Variants in ALPL observed in about 807,000 individuals in gnomAD.
The protein encoded by ALPL is alkaline phosphatase, tissue-nonspecific isozyme.
A neutral mutation model predicts 51.3 loss-of-function variants in ALPL; 42 were observed. The ratio of observed to expected loss-of-function variants is 0.82; its 90% CI spans 0.64 to 1.06. ALPL has a LOEUF of 1.06. ALPL is among the 50% of genes least tolerant of loss of function. ALPL has a pLI of 0.00. For missense variants in ALPL, 589 were observed against 709.4 expected (o/e 0.83, Z 1.93); for synonymous variants, 279 against 296.4 (o/e 0.94, Z 0.60).
At chr1:21,556,744 G>A (rs1298857238) in intron 2 of ALPL, among the ~76,000 whole-genome samples, 3 of 152,138 alleles carry the variant, frequency 2.0e-5, no homozygotes, top group Non-Finnish European at 4.4e-5. Context: ...TTTGAGACCA[G>A]CCTATCCAAC....
intron 1 of ALPL, among the ~76,000 whole-genome samples, chr1:21,540,657 G>T (rs1400745287): frequency 6.6e-6 from 1 of 152,120 alleles, no homozygotes; most frequent in Non-Finnish European, 1.5e-5. Context: ...CCGCCTGCTC[G>T]TGCCTTTCTC....
intron 1 of ALPL, among the ~76,000 whole-genome samples, chr1:21,550,415 G>C (rs2148127052): frequency 6.6e-6 from 1 of 152,192 alleles, no homozygotes. Flanking sequence ...GAGATGATAG[G>C]TCCTTTTCTG....
intron 4 of ALPL, 80 bp downstream of exon 4, chr1:21,561,292 G>A: frequency 2.3e-6 from 3 of 1,306,950 alleles, no homozygotes; most frequent in Non-Finnish European, 3.2e-6. Context: ...AGCAGCCAGA[G>A]GTCCCCTGAC....
chr1:21,562,440 A>G (rs1644497231), intron 4 of ALPL, among the ~76,000 whole-genome samples: 1 of 152,168 alleles, frequency 6.6e-6, no homozygotes, highest in African/African-American at 2.4e-5. Flanking sequence ...TGGTGGTGAT[A>G]GTGGTGTTAT....
chr1:21,563,622 C>T (rs940476908), intron 5 of ALPL, among the ~76,000 whole-genome samples: 5 of 152,176 alleles, frequency 3.3e-5, no homozygotes, highest in Admixed American at 1.3e-4. Flanking sequence ...TCCATGGCCA[C>T]GCCCCTTCCC....
intron 1 of ALPL, among the ~76,000 whole-genome samples, chr1:21,527,339 T>C (rs979519714): frequency 6.6e-6 from 1 of 151,910 alleles, no homozygotes; most frequent in Non-Finnish European, 1.5e-5. Context: ...GCCCTTCTTG[T>C]TCTTTTCTTT....
Position 21,568,255 on chromosome 1 carries a change from G to A in ALPL, c.792+8G>A, listed in dbSNP as rs1012938813. Reference sequence around the variant, plus strand: ...TTCAAACCGAGATACAAGGTAGCCTGTGCTGGGGCCATGTGGCTGCAGAGG... The same window carrying A: ...TTCAAACCGAGATACAAGGTAGCCTATGCTGGGGCCATGTGGCTGCAGAGG... On this transcript the variant is annotated splice_region_variant and intron_variant, in intron 7 of 11. Transcript: ENST00000374840. 6 of 1,614,068 alleles carry A rather than the reference G, an allele frequency of 3.7e-6. No individual in the cohort carries two copies. The highest frequency in any genetic ancestry group is 5.1e-6 in the Non-Finnish European group (6 of 1,179,986).
At chr1:21,558,385 G>A (rs1341995765) in intron 2 of ALPL, among the ~76,000 whole-genome samples, 1 of 152,182 alleles carries the variant, frequency 6.6e-6, no homozygotes, top group Non-Finnish European at 1.5e-5. Flanking sequence ...ACTGGCCAAA[G>A]AGGCTCTATG....
At chr1:21,556,681 G>A (rs778849233) in intron 2 of ALPL, among the ~76,000 whole-genome samples, 10 of 152,168 alleles carry the variant, frequency 6.6e-5, no homozygotes, top group Non-Finnish European at 1.3e-4. Context: ...GCTCACGCCT[G>A]TAATCCCAGC....
chr1:21,521,887 A>G (rs1643886590), intron 1 of ALPL, among the ~76,000 whole-genome samples: 1 of 152,168 alleles, frequency 6.6e-6, no homozygotes. Context: ...TGCATGTACC[A>G]TGCTTCCTGG....
At chr1:21,554,202 G>A in intron 2 of ALPL, 60 bp downstream of exon 2, 1 of 1,522,592 alleles carries the variant, frequency 6.6e-7, no homozygotes, top group South Asian at 1.1e-5. Context: ...TATGATGAGG[G>A]CAGTGTCTAT....
At chr1:21,523,520 G>T (rs141368806) in intron 1 of ALPL, among the ~76,000 whole-genome samples, 5 of 152,314 alleles carry the variant, frequency 3.3e-5, no homozygotes, top group African/African-American at 1.2e-4. Flanking sequence ...GCATGCTGGC[G>T]CTATATGATC....
At chr1:21,538,662 G>A (rs1208188234) in intron 1 of ALPL, among the ~76,000 whole-genome samples, 3 of 152,168 alleles carry the variant, frequency 2.0e-5, no homozygotes, top group Non-Finnish European at 4.4e-5. Flanking sequence ...GCCGGGATTG[G>A]CCAATGCCCT....
At chr1:21,520,506 C>T (rs1283001433) in intron 1 of ALPL, among the ~76,000 whole-genome samples, 4 of 128,786 alleles carry the variant, frequency 3.1e-5, no homozygotes, top group Admixed American at 9.6e-5. Context: ...CTCGCCCTGT[C>T]GCCCAGGATG....
Position 21,574,065 on chromosome 1 carries a change from A to C in ALPL, c.997+266A>C, listed in dbSNP as rs1276839977. 9.1e-6 allele frequency: 9 copies of C among 985,336 alleles called. No individual in the cohort carries two copies. In the East Asian group the frequency reaches 1.0e-3, roughly 112 times the overall value. 61.0% of individuals were successfully genotyped at this position (985,336 alleles called of 1,614,324 possible). On this transcript the variant is annotated intron_variant, in intron 9 of 11. Coordinates refer to ENST00000374840, the MANE Select transcript of ALPL (RefSeq NM_000478.6). Reference sequence around the variant, plus strand: ...AGGAGGCAGATTTCTCCCCTTTGGTAGTCTTTCTTGGGGACCTGGCCCTGA... The same window carrying C: ...AGGAGGCAGATTTCTCCCCTTTGGTCGTCTTTCTTGGGGACCTGGCCCTGA...
rs1644630262 is a variant in ALPL, at chr1:21,570,423, C to A, written c.862+49C>A. On this transcript the variant is annotated intron_variant, in intron 8 of 11. Coordinates refer to ENST00000374840, the MANE Select transcript of ALPL (RefSeq NM_000478.6). Reference sequence around the variant, plus strand: ...GGATGCATGGCTCGGAGCCTGGTGGCCGGAGCTGCGTGTGGCCAGCACCTG... The same window carrying A: ...GGATGCATGGCTCGGAGCCTGGTGGACGGAGCTGCGTGTGGCCAGCACCTG... The A allele has an allele frequency of 1.9e-6, 3 of 1,591,252 alleles. No individual in the cohort carries two copies. The East Asian group carries it at 6.7e-5, about 36-fold the overall frequency.
chr1:21,526,441 A>C (rs1043964969), intron 1 of ALPL, among the ~76,000 whole-genome samples: 5 of 152,052 alleles, frequency 3.3e-5, no homozygotes, highest in African/African-American at 4.8e-5. Context: ...CGCCCGGCCT[A>C]CTTTATTAAT....
At chr1:21,530,777 A>AAT in intron 1 of ALPL, among the ~76,000 whole-genome samples, 1 of 111,866 alleles carries the variant, frequency 8.9e-6, no homozygotes, top group South Asian at 3.2e-4. Flanking sequence ...CAAGCTTTGA[A>AAT]TTTTTTTTTT....
intron 1 of ALPL, among the ~76,000 whole-genome samples, chr1:21,543,357 C>T (rs937214745): frequency 1.3e-5 from 2 of 152,110 alleles, no homozygotes; most frequent in Non-Finnish European, 2.9e-5. Context: ...AAAAACCTCA[C>T]GATATAGACA....
Sources: allele counts gnomAD v4.1 joint callset (sites outside exome capture counted in the v4.1 genomes callset), GRCh38; gene constraint gnomAD v4.1.1; transcripts MANE v1.5; gene names NCBI Gene and HGNC (gene_info 2026-07-23, HGNC 2026-07-21).